Variants in UBE4B observed in about 807,000 individuals in gnomAD.
UBE4B encodes ubiquitination factor E4B.
A neutral mutation model predicts 148.1 loss-of-function variants in UBE4B; 27 were observed. The observed-to-expected ratio is 0.18, with a 90% CI of 0.13 to 0.25. UBE4B has a LOEUF of 0.25. Ranked by LOEUF, UBE4B falls within the 10% of genes least tolerant of loss-of-function variation. The pLI is 1.00. For synonymous variants in UBE4B, 596 were observed against 619.3 expected (o/e 0.96, Z 0.56); for missense variants, 1,170 against 1,662.4 (o/e 0.70, Z 5.15).
chr1:10,035,736 T>C (rs1643497686), intron 1 of UBE4B, among the ~76,000 whole-genome samples: 1 of 146,844 alleles, frequency 6.8e-6, no homozygotes, highest in Non-Finnish European at 1.5e-5. Flanking sequence ...TTTTTATTTT[T>C]TATTTATTTT....
At chr1:10,130,458 G>GC in intron 12 of UBE4B, 42 bp from the exon 13 acceptor site, 1 of 1,516,668 alleles carries the variant, frequency 6.6e-7, no homozygotes. Context: ...TACCCCACCG[G>GC]CCTGTTCAGC....
At chr1:10,076,560 GAC>G (rs1644586183) in intron 2 of UBE4B, among the ~76,000 whole-genome samples, 1 of 151,930 alleles carries the variant, frequency 6.6e-6, no homozygotes. Flanking sequence ...TGCTAACAGA[GAC>G]AAACACTGGG....
intron 1 of UBE4B, chr1:10,054,701 C>A: frequency 3.8e-6 from 1 of 262,090 alleles, no homozygotes; most frequent in East Asian, 9.5e-5. Flanking sequence ...TAGACTCTTC[C>A]AGTCTAGCCA....
At chr1:10,137,477 T>C (rs1645708698) in intron 17 of UBE4B, among the ~76,000 whole-genome samples, 1 of 152,156 alleles carries the variant, frequency 6.6e-6, no homozygotes, top group South Asian at 2.1e-4. Flanking sequence ...CTTTTCCCAC[T>C]GGGCATACAT....
At chr1:10,132,043 T>C (rs1367150270) in intron 14 of UBE4B, among the ~76,000 whole-genome samples, 1 of 151,996 alleles carries the variant, frequency 6.6e-6, no homozygotes, top group East Asian at 1.9e-4. Flanking sequence ...GGCAGGAGAA[T>C]GGCTTGAACC....
At chr1:10,127,408 C>T (rs1645520233) in intron 11 of UBE4B, among the ~76,000 whole-genome samples, 2 of 152,120 alleles carry the variant, frequency 1.3e-5, no homozygotes, top group Non-Finnish European at 2.9e-5. Context: ...AGCAGGCATA[C>T]ATTGTGGACA....
At chr1:10,134,560 AAAT>A (rs1434107296) in intron 15 of UBE4B, among the ~76,000 whole-genome samples, 7 of 152,070 alleles carry the variant, frequency 4.6e-5, no homozygotes, top group African/African-American at 1.7e-4. Flanking sequence ...CCTCTTATAT[AAAT>A]AATAATTATA....
At chr1:10,108,982 G>A (rs1645168030) in intron 7 of UBE4B, among the ~76,000 whole-genome samples, 1 of 152,120 alleles carries the variant, frequency 6.6e-6, no homozygotes, top group Non-Finnish European at 1.5e-5. Context: ...GTATCAGATT[G>A]TGTGCTGCTT....
At chr1:10,141,051 A>G (rs776500290) in intron 17 of UBE4B, among the ~76,000 whole-genome samples, 4 of 152,190 alleles carry the variant, frequency 2.6e-5, no homozygotes, top group South Asian at 2.1e-4. Flanking sequence ...ACATAGAAGT[A>G]TATCAGCATT....
intron 1 of UBE4B, among the ~76,000 whole-genome samples, chr1:10,040,157 C>T (rs1643700170): frequency 6.6e-6 from 1 of 151,816 alleles, no homozygotes. Flanking sequence ...CAGGGTCTCC[C>T]TCTGTCGCCC....
At chr1:10,046,858 A>C in intron 1 of UBE4B, among the ~76,000 whole-genome samples, 1 of 152,206 alleles carries the variant, frequency 6.6e-6, no homozygotes, top group Admixed American at 6.5e-5. Flanking sequence ...GACCGCGGAC[A>C]TTCCTCAGGC....
chr1:10,076,250 T>TC (rs1243074494), intron 2 of UBE4B, among the ~76,000 whole-genome samples: 17 of 149,192 alleles, frequency 1.1e-4, no homozygotes, highest in Non-Finnish European at 7.5e-5. Context: ...TTTCTTTCTT[T>TC]TTTTTTTTTT....
chr1:10,089,503 G>GAAAAAAA (rs113766750), intron 2 of UBE4B, among the ~76,000 whole-genome samples: 4,170 of 134,216 alleles, frequency 0.031, 79 homozygotes, highest in African/African-American at 0.044. Flanking sequence ...ACATGTCTCT[G>GAAAAAAA]AAAAAAAAAA....
chr1:10,175,617 C>CCGCAG (rs1646415758), intron 25 of UBE4B, among the ~76,000 whole-genome samples: 2 of 151,962 alleles, frequency 1.3e-5, no homozygotes, highest in Admixed American at 1.3e-4. Flanking sequence ...CGCCACTGCA[C>CCGCAG]TCCAGCCTGG....
chr1:10,060,939 T>C (rs991122335), intron 1 of UBE4B, among the ~76,000 whole-genome samples: 3 of 152,158 alleles, frequency 2.0e-5, no homozygotes, highest in Admixed American at 6.5e-5. Flanking sequence ...AGAGAAGTCA[T>C]CTTACTATGC....
Position 10,106,679 on chromosome 1 carries a change from T to TA in UBE4B, c.1196+99dup. Reference sequence around the variant, plus strand: ...AAGTGCTGTGTGACACTGACTCTGTTAAATTGTTGTTTTGGGTTATTAACC... The same window carrying TA: ...AAGTGCTGTGTGACACTGACTCTGTTAAAATTGTTGTTTTGGGTTATTAACC... On this transcript the variant is annotated intron_variant, in intron 7 of 27. Coordinates refer to ENST00000343090, the MANE Select transcript of UBE4B (RefSeq NM_001105562.3). This position sits in a 1 kb window ranked among gnomAD's most constrained non-coding sequence, Gnocchi z 4.2. 1.4e-6 allele frequency: 2 copies of TA among 1,430,806 alleles called. No homozygotes were observed. The highest frequency in any genetic ancestry group is 1.8e-6 in the Non-Finnish European group (2 of 1,092,438). The allele number at this position is 1,430,806 out of a possible 1,614,324, so 88.6% of individuals were successfully genotyped here. A position where few individuals can be genotyped will look rare whatever the true frequency, so the allele number is the denominator to read the frequency against.
chr1:10,033,637 C>T lies in UBE4B; in HGVS notation c.-34C>T. Reference sequence around the variant, plus strand: ...CGTGGTCTCGAGAACAGAAGGATCTCTCCTTAACGCCTTTCACCATTAAGA... The same window carrying T: ...CGTGGTCTCGAGAACAGAAGGATCTTTCCTTAACGCCTTTCACCATTAAGA... On this transcript the variant is annotated 5_prime_UTR_variant, in exon 1 of 28. Coordinates refer to ENST00000343090, the MANE Select transcript of UBE4B (RefSeq NM_001105562.3). The T allele has an allele frequency of 1.3e-6, 2 of 1,542,186 alleles. No individual in the cohort carries two copies. The highest frequency in any genetic ancestry group is 8.7e-7 in the Non-Finnish European group (1 of 1,143,926).
intron 25 of UBE4B, among the ~76,000 whole-genome samples, chr1:10,177,230 G>A (rs888297761): frequency 6.6e-6 from 1 of 151,774 alleles, no homozygotes; most frequent in Admixed American, 6.6e-5. Flanking sequence ...ATGAAGAAAA[G>A]AGGTTTAGGC....
At position 10,106,131 on chromosome 1, in the gene UBE4B, T is replaced by G; in HGVS notation, c.810-66T>G. On this transcript the variant is annotated intron_variant, in intron 6 of 27. Transcript: ENST00000343090. This position sits in a 1 kb window ranked among gnomAD's most constrained non-coding sequence, Gnocchi z 4.2. Reference sequence around the variant, plus strand: ...CTTTAAAAGCTTGATATTTTCTGTTTTAGTTAGTTATCTCAAGTTTTTCTT... The same window carrying G: ...CTTTAAAAGCTTGATATTTTCTGTTGTAGTTAGTTATCTCAAGTTTTTCTT... 6.7e-7 allele frequency: 1 copy of G among 1,487,164 alleles called. No homozygotes were observed. The highest frequency in any genetic ancestry group is 9.0e-7 in the Non-Finnish European group (1 of 1,107,818). The allele number at this position is 1,487,164 out of a possible 1,614,324, so 92.1% of individuals were successfully genotyped here.
Sources: gnomAD v4.1 joint callset for allele counts (sites outside exome capture counted in the v4.1 genomes callset) on GRCh38, gnomAD v4.1.1 for gene constraint, Gnocchi (gnomAD v3.1) non-coding constraint, MANE v1.5 for transcripts, NCBI Gene and HGNC (gene_info 2026-07-23, HGNC 2026-07-21) for gene names.